The following SKP1 variants were observed in gnomAD, a reference collection of about 807,000 sequenced individuals.
The protein encoded by SKP1 is S-phase kinase-associated protein 1.
SKP1 carries 1 observed loss-of-function variant against 21.5 expected under a neutral mutation model. The ratio of observed to expected loss-of-function variants is 0.05; its 90% CI spans 0.02 to 0.22. SKP1 has a LOEUF of 0.22. Ranked by LOEUF, SKP1 falls within the 10% of genes least tolerant of loss-of-function variation. The pLI, the probability that SKP1 is intolerant of heterozygous loss-of-function variation, is 1.00. For missense variants in SKP1, 70 were observed against 192.0 expected, an observed-to-expected ratio of 0.36 and a Z score of 3.76; for synonymous variants, 59 against 59.3, an observed-to-expected ratio of 0.99 and a Z score of 0.03.
rs1400524727 is a variant in SKP1 at position 134,155,802 on chromosome 5, G to C, written c.*1931C>G. ...TCATAATACTGCTAAGGATACTTCT[G>C]GTTTGTTTTTGAGACAAGGTCTCGC... On this transcript the variant is annotated 3_prime_UTR_variant, in exon 6 of 6. Transcript: ENST00000353411. 1 of 152,136 alleles carries C rather than the reference G, an allele frequency of 6.6e-6. No individual in the cohort carries two copies. The highest frequency in any genetic ancestry group is 1.5e-5 in the Non-Finnish European group (1 of 68,026). The allele number at this position is 152,136 out of a possible 1,614,324, so 9.4% of individuals were successfully genotyped here. A position where few individuals can be genotyped will look rare whatever the true frequency, so the allele number is the denominator to read the frequency against.
At chr5:134,173,452 C>CT (rs1761483870) in intron 2 of SKP1, 1 of 290,752 alleles carries the variant, frequency 3.4e-6, no homozygotes, top group Non-Finnish European at 6.8e-6. Context: ...GACTGCATCA[C>CT]TGCACTCCAG....
At position 134,153,192 on chromosome 5, in the gene SKP1, G is replaced by A. The variant is rs922984460; in HGVS notation, c.*4541C>T. 6.6e-6 allele frequency: 1 copy of A among 152,148 alleles called. No individual in the cohort carries two copies. Among genetic ancestry groups the A allele is most frequent in the East Asian group, 1.9e-4 (1 of 5,188 alleles). The allele number at this position is 152,148 out of a possible 1,614,324, so 9.4% of individuals were successfully genotyped here. The stretch of plus-strand genomic sequence containing the variant: ...CTGAGCTTTAGAAAAGGAAAAATTG[G>A]TGGGTGCTGTGGCTCACATCTGTAA... On this transcript the variant is annotated 3_prime_UTR_variant, in exon 6 of 6. Coordinates refer to ENST00000353411, the MANE Select transcript of SKP1 (RefSeq NM_170679.3).
rs1219562840 is a variant in SKP1, at chr5:134,148,970, CTTTATT to C, written c.*8757_*8762del. On this transcript the variant is annotated 3_prime_UTR_variant, in exon 6 of 6. Coordinates refer to ENST00000353411, the MANE Select transcript of SKP1 (RefSeq NM_170679.3). ...GTGGACACGACAGCCACCATATCCA[CTTTATT>C]TTTAGATTATTTGTATACATTTAGG... 1 of 152,210 alleles carries C rather than the reference CTTTATT, an allele frequency of 6.6e-6. No homozygotes were observed. Among genetic ancestry groups the C allele is most frequent in the African/African-American group, 2.4e-5 (1 of 41,444 alleles). 9.4% of individuals were successfully genotyped at this position (152,210 alleles called of 1,614,324 possible).
chr5:134,165,458 C>T lies in SKP1; in HGVS notation c.171+1712G>A, dbSNP rs536844411. Reference sequence around the variant, plus strand: ...TAAAAAAATTAGCTGGGCATGGTAGCGGGTGTCTGTAATCCCAGCTACTCG... The same window carrying T: ...TAAAAAAATTAGCTGGGCATGGTAGTGGGTGTCTGTAATCCCAGCTACTCG... On this transcript the variant is annotated intron_variant, in intron 3 of 5. Transcript: ENST00000353411. Among the ~76,000 whole-genome samples the T allele has an allele frequency of 3.3e-5, 5 of 151,324 alleles. No homozygotes were observed. The South Asian group carries it at 8.4e-4, about 25-fold the overall frequency.
intron 1 of SKP1, 131 bp from the exon 2 acceptor site, chr5:134,174,153 G>T: frequency 1.6e-6 from 1 of 640,898 alleles, no homozygotes; most frequent in Non-Finnish European, 2.8e-6. Flanking sequence ...ACATAACCCT[G>T]TAAAGCACTG....
In SKP1 at chr5:134,156,567, AAAG is replaced by A. The variant is rs1761123989; in HGVS notation, c.*1163_*1165del. 2 of 152,358 alleles carry A rather than the reference AAAG, an allele frequency of 1.3e-5. No homozygotes were observed. The highest frequency in any genetic ancestry group is 4.1e-4 in the South Asian group (2 of 4,828). 9.4% of individuals were successfully genotyped at this position (152,358 alleles called of 1,614,324 possible). On this transcript the variant is annotated 3_prime_UTR_variant, in exon 6 of 6. Transcript: ENST00000353411. The stretch of plus-strand genomic sequence containing the variant: ...GTTAACTGGAAAAGCAAGGAGAAAA[AAAG>A]GGAGCACAAGGAAGAAAAAAAAATC...
In SKP1 at chr5:134,176,942, C is replaced by G. The variant is rs1414735627; in HGVS notation, c.-88G>C. 6.6e-6 allele frequency: 1 copy of G among 152,472 alleles called. No homozygotes were observed. Among genetic ancestry groups the G allele is most frequent in the Non-Finnish European group, 1.5e-5 (1 of 68,178 alleles). 9.4% of individuals were successfully genotyped at this position (152,472 alleles called of 1,614,324 possible). A position where few individuals can be genotyped will look rare whatever the true frequency, so the allele number is the denominator to read the frequency against. On this transcript the variant is annotated 5_prime_UTR_variant, in exon 1 of 6. Coordinates refer to ENST00000353411, the MANE Select transcript of SKP1 (RefSeq NM_170679.3). ...GGAAGAGAAAAACCGAAGACGAAGCCACTACAGCGTCGCAGCGCGGCGCGG... is the reference window on the plus strand; with the variant it reads ...GGAAGAGAAAAACCGAAGACGAAGCGACTACAGCGTCGCAGCGCGGCGCGG...
intron 3 of SKP1, among the ~76,000 whole-genome samples, chr5:134,164,545 T>TG (rs1376791603): frequency 2.0e-5 from 3 of 152,154 alleles, no homozygotes; most frequent in Non-Finnish European, 4.4e-5. Context: ...TTTGTCTCTT[T>TG]GGTTCACTGC....
chr5:134,150,051 G>A lies in SKP1; in HGVS notation c.*7682C>T, dbSNP rs979259290. 1 of 152,132 alleles carries A rather than the reference G, an allele frequency of 6.6e-6. No homozygotes were observed. The highest frequency in any genetic ancestry group is 6.6e-5 in the Admixed American group (1 of 15,264). 9.4% of individuals were successfully genotyped at this position (152,132 alleles called of 1,614,324 possible). On this transcript the variant is annotated 3_prime_UTR_variant, in exon 6 of 6. Transcript: ENST00000353411. ...AAGACAAGATACCTTAGCCTCCCTTGAACATTTCCAGACAACTAGCAGACT... is the reference window on the plus strand; with the variant it reads ...AAGACAAGATACCTTAGCCTCCCTTAAACATTTCCAGACAACTAGCAGACT...
At chr5:134,165,756 A>C (rs1264741736) in intron 3 of SKP1, among the ~76,000 whole-genome samples, 9 of 150,820 alleles carry the variant, frequency 6.0e-5, no homozygotes, top group Non-Finnish European at 5.9e-5. Context: ...CGTGGTGGCG[A>C]GTGCCTGTAA....
rs750638708 is a variant in SKP1, at chr5:134,161,020, T to G, written c.282A>C (p.Lys94Asn). The change falls in exon 4 of 6, where the codon AAA (lysine) becomes AAC (asparagine). Residue 94 changes from lysine to asparagine, a missense_variant. Coordinates refer to ENST00000353411, the MANE Select transcript of SKP1 (RefSeq NM_170679.3). ...GTTCAAAAAGTGTTCCTTGGTCAAC[T>G]TTCAGGAATTCTTGGTCCCAAACAG... ...DIPVWDQEFL[K>N]VDQGTLFELI... The G allele has an allele frequency of 6.2e-7, 1 of 1,612,690 alleles. No homozygotes were observed.
chr5:134,151,709 CAG>C lies in SKP1; in HGVS notation c.*6022_*6023del. 1 of 456,108 alleles carries C rather than the reference CAG, an allele frequency of 2.2e-6. No homozygotes were observed. The highest frequency in any genetic ancestry group is 4.4e-6 in the Non-Finnish European group (1 of 226,860). 28.3% of individuals were successfully genotyped at this position (456,108 alleles called of 1,614,324 possible). The stretch of plus-strand genomic sequence containing the variant: ...GTCGCAAGAACTACAGATGTGGAAG[CAG>C]ACACTGTTATGAGCAACTACATTCC... On this transcript the variant is annotated 3_prime_UTR_variant, in exon 6 of 6. Transcript: ENST00000353411.
At chr5:134,161,869 T>C (rs1422612464) in intron 3 of SKP1, 2 of 152,202 alleles carry the variant, frequency 1.3e-5, no homozygotes, top group Non-Finnish European at 2.9e-5. Flanking sequence ...AGACTATACA[T>C]ACCAGCATAA....
At chr5:134,166,184 CA>C (rs112400755) in intron 3 of SKP1, among the ~76,000 whole-genome samples, 6,979 of 127,140 alleles carry the variant, frequency 0.055, 465 homozygotes, top group African/African-American at 0.17. Context: ...GGCTCCATCT[CA>C]AAAAAAAAAA....
rs1454893040 is a variant in SKP1, at chr5:134,169,733, G to A, written c.98-2490C>T. 2.0e-5 allele frequency among the ~76,000 whole-genome samples: 3 copies of A among 152,326 alleles called. No homozygotes were observed. The East Asian group carries it at 5.8e-4, about 29-fold the overall frequency. On this transcript the variant is annotated intron_variant, in intron 2 of 5. Coordinates refer to ENST00000353411, the MANE Select transcript of SKP1 (RefSeq NM_170679.3). ...TACAAAAAAATTGGCCAGGCATGGC[G>A]GCTCACGCCTGTAATCCCAGCACTT...
At position 134,173,722 on chromosome 5, in the gene SKP1, T is replaced by C. The variant is rs148997154; in HGVS notation, c.97+204A>G. The C allele has an allele frequency of 1.4e-3, 944 of 665,506 alleles. 2 individuals are homozygous for C. Among genetic ancestry groups the C allele is most frequent in the African/African-American group, 0.011 (606 of 56,266 alleles). The allele number at this position is 665,506 out of a possible 1,614,324, so 41.2% of individuals were successfully genotyped here. On this transcript the variant is annotated intron_variant, in intron 2 of 5. Coordinates refer to ENST00000353411, the MANE Select transcript of SKP1 (RefSeq NM_170679.3). ...TTACCTTATGATTTTATCCATTTAA[T>C]GAGAGAACGACCCTCACTAATTCAG...
intron 4 of SKP1, among the ~76,000 whole-genome samples, chr5:134,160,116 G>A (rs1294003182): frequency 6.6e-6 from 1 of 151,838 alleles, no homozygotes; most frequent in Non-Finnish European, 1.5e-5. Context: ...AACACTTTGG[G>A]AGGCCTAGGT....
At chr5:134,166,246 T>A (rs1355219039) in intron 3 of SKP1, among the ~76,000 whole-genome samples, 3 of 142,462 alleles carry the variant, frequency 2.1e-5, no homozygotes, top group Non-Finnish European at 4.5e-5. Flanking sequence ...TTTTGTTATA[T>A]GGAAAAAAAA....
rs1183919520 is a variant in SKP1, at chr5:134,157,018, T to G, written c.*715A>C. 1 of 152,668 alleles carries G rather than the reference T, an allele frequency of 6.6e-6. No homozygotes were observed. The highest frequency in any genetic ancestry group is 1.5e-5 in the Non-Finnish European group (1 of 68,042). 9.5% of individuals were successfully genotyped at this position (152,668 alleles called of 1,614,324 possible). On this transcript the variant is annotated 3_prime_UTR_variant, in exon 6 of 6. Coordinates refer to ENST00000353411, the MANE Select transcript of SKP1 (RefSeq NM_170679.3). ...AATTTTCTCCACATGGGAACACTAA[T>G]TATAAAAAGATGACATCCCACATGG...
Sources: allele counts gnomAD v4.1 joint callset (sites outside exome capture counted in the v4.1 genomes callset), GRCh38; gene constraint gnomAD v4.1.1; transcripts MANE v1.5; gene names NCBI Gene and HGNC (gene_info 2026-07-23, HGNC 2026-07-21).